TAB2: variants seen among roughly 807,000 people sequenced by gnomAD.
The protein encoded by TAB2 is TGF-beta activated kinase 1 (MAP3K7) binding protein 2, also known as TGF-beta-activated kinase 1 and MAP3K7-binding protein 2.
TAB2 carries 3 observed loss-of-function variants against 65.0 expected under a neutral mutation model. The observed-to-expected ratio is 0.05, with a 90% CI of 0.02 to 0.12. The LOEUF (loss-of-function observed/expected upper bound fraction) is 0.12. TAB2 is among the 10% of genes least tolerant of loss of function. TAB2 has a pLI of 1.00. For missense variants in TAB2, 623 were observed against 840.3 expected, an observed-to-expected ratio of 0.74 and a Z score of 3.20; for synonymous variants, 298 against 285.1, an observed-to-expected ratio of 1.05 and a Z score of -0.46.
At chr6:149,248,428 A>AAAGGAAGGAAGGAAGGAAGG (rs377016044) in intron 1 of TAB2, among the ~76,000 whole-genome samples, 1,495 of 117,304 alleles carry the variant, frequency 0.013, 35 homozygotes, top group African/African-American at 0.04. Context: ...AAAAAGAAAG[A>AAAGGAAGGAAGGAAGGAAGG]AAGGAAGGAA....
intron 1 of TAB2, among the ~76,000 whole-genome samples, chr6:149,275,283 A>AGAAAGAAG (rs1778446529): frequency 6.6e-6 from 1 of 151,312 alleles, no homozygotes; most frequent in African/African-American, 2.4e-5. Flanking sequence ...AAAGAAAGAA[A>AGAAAGAAG]GAAAGAAAGA....
chr6:149,287,754 C>T (rs1043620924), intron 1 of TAB2, among the ~76,000 whole-genome samples: 2 of 152,112 alleles, frequency 1.3e-5, no homozygotes, highest in African/African-American at 4.8e-5. Context: ...TATCACTATT[C>T]CCTGTGGAGA....
At chr6:149,343,032 G>T (rs535650640) in intron 1 of TAB2, among the ~76,000 whole-genome samples, 1 of 152,120 alleles carries the variant, frequency 6.6e-6, no homozygotes, top group Non-Finnish European at 1.5e-5. Flanking sequence ...TAACTTGTTT[G>T]CTAGTAGTAG....
At chr6:149,391,141 T>C (rs1781969484) in intron 3 of TAB2, among the ~76,000 whole-genome samples, 1 of 152,226 alleles carries the variant, frequency 6.6e-6, no homozygotes, top group Non-Finnish European at 1.5e-5. Flanking sequence ...TAGCTGGACA[T>C]AGAATTCTTG....
chr6:149,219,597 A>G (rs1280933626), intron 1 of TAB2, among the ~76,000 whole-genome samples: 1 of 152,202 alleles, frequency 6.6e-6, no homozygotes, highest in Non-Finnish European at 1.5e-5. Context: ...AAGTCAGAGA[A>G]GTCTGTGCTG....
At chr6:149,236,249 G>C (rs907493642) in intron 1 of TAB2, among the ~76,000 whole-genome samples, 1 of 152,098 alleles carries the variant, frequency 6.6e-6, no homozygotes, top group Non-Finnish European at 1.5e-5. Context: ...AAAATAAAAT[G>C]GTCCAGGAAT....
chr6:149,277,043 C>A (rs2114681830), intron 1 of TAB2, among the ~76,000 whole-genome samples: 1 of 152,292 alleles, frequency 6.6e-6, no homozygotes, highest in South Asian at 2.1e-4. Flanking sequence ...CTCATTCTCT[C>A]TTGATTGTCA....
intron 1 of TAB2, among the ~76,000 whole-genome samples, chr6:149,357,032 A>T (rs1780675279): frequency 6.6e-6 from 1 of 152,196 alleles, no homozygotes; most frequent in Admixed American, 6.5e-5. Context: ...TATGACATTT[A>T]TAACAGTCTA....
At chr6:149,375,335 A>G (rs187115259) in intron 2 of TAB2, among the ~76,000 whole-genome samples, 3 of 152,312 alleles carry the variant, frequency 2.0e-5, no homozygotes, top group African/African-American at 4.8e-5. Flanking sequence ...ATGTAACCTT[A>G]TAAAACCCCT....
chr6:149,237,970 C>T (rs1341634743), intron 1 of TAB2, among the ~76,000 whole-genome samples: 1 of 152,208 alleles, frequency 6.6e-6, no homozygotes, highest in Non-Finnish European at 1.5e-5. Flanking sequence ...AGTGTGTGCA[C>T]CCCACACTCA....
rs940547639 is a variant in TAB2, at chr6:149,317,992, A to G, written c.-113A>G. On this transcript the variant is annotated 5_prime_UTR_variant, in exon 1 of 7. Coordinates refer to ENST00000637181, the MANE Select transcript of TAB2 (RefSeq NM_001292034.3). This position sits in a 1 kb window ranked among gnomAD's most constrained non-coding sequence, Gnocchi z 4.7. Reference sequence around the variant, plus strand: ...GCGGCGGCGGCGGCCGAGGAGGAGGAGGGGGAAGCGGCGGCGGCAAAGGGT... The same window carrying G: ...GCGGCGGCGGCGGCCGAGGAGGAGGGGGGGGAAGCGGCGGCGGCAAAGGGT... 1.8e-5 allele frequency: 3 copies of G among 168,454 alleles called. No individual in the cohort carries two copies. Among genetic ancestry groups the G allele is most frequent in the Non-Finnish European group, 2.5e-5 (2 of 79,318 alleles). 10.4% of individuals were successfully genotyped at this position (168,454 alleles called of 1,614,324 possible).
At chr6:149,271,791 C>T (rs970191773) in intron 1 of TAB2, among the ~76,000 whole-genome samples, 1 of 152,114 alleles carries the variant, frequency 6.6e-6, no homozygotes, top group Non-Finnish European at 1.5e-5. Context: ...CTTACTCATA[C>T]TCACGGACAA....
chr6:149,319,892 C>T (rs1469160572), intron 1 of TAB2, among the ~76,000 whole-genome samples: 3 of 152,108 alleles, frequency 2.0e-5, no homozygotes, highest in Non-Finnish European at 4.4e-5. Context: ...TTTAGTGACT[C>T]ATTAAGAAGT....
At chr6:149,353,453 C>A (rs1780555564) in intron 1 of TAB2, among the ~76,000 whole-genome samples, 1 of 152,218 alleles carries the variant, frequency 6.6e-6, no homozygotes. Flanking sequence ...TTACCAGTTT[C>A]TTCCCCAAGT....
chr6:149,310,098 G>T (rs62426060), intron 1 of TAB2, among the ~76,000 whole-genome samples: 78,342 of 151,594 alleles, frequency 0.52, 20,809 homozygotes, highest in African/African-American at 0.65. Flanking sequence ...TTAGGAGGCG[G>T]GAGATGGGCC....
intron 1 of TAB2, among the ~76,000 whole-genome samples, chr6:149,326,693 G>GCCCACCA (rs955528839): frequency 2.6e-5 from 4 of 151,872 alleles, no homozygotes; most frequent in African/African-American, 9.7e-5. Context: ...GATTACAGGC[G>GCCCACCA]CCCACCACCC....
At chr6:149,362,262 G>A (rs1165246542) in intron 1 of TAB2, among the ~76,000 whole-genome samples, 1 of 152,144 alleles carries the variant, frequency 6.6e-6, no homozygotes, top group Non-Finnish European at 1.5e-5. Flanking sequence ...AGGTTTAATC[G>A]GCTCATGGTT....
At chr6:149,383,541 T>C (rs1222269818) in intron 3 of TAB2, among the ~76,000 whole-genome samples, 1 of 152,234 alleles carries the variant, frequency 6.6e-6, no homozygotes, top group Non-Finnish European at 1.5e-5. Context: ...TGTTTCTGTT[T>C]ACTATGGAAC....
chr6:149,360,696 CAA>C (rs1780816203), intron 1 of TAB2, among the ~76,000 whole-genome samples: 2 of 152,166 alleles, frequency 1.3e-5, no homozygotes, highest in African/African-American at 4.8e-5. Context: ...AATAGTCCTC[CAA>C]AAGTTTCAGC....
Sources: allele counts gnomAD v4.1 joint callset (sites outside exome capture counted in the v4.1 genomes callset), GRCh38; gene constraint gnomAD v4.1.1; non-coding constraint Gnocchi (gnomAD v3.1); transcripts MANE v1.5; gene names NCBI Gene and HGNC (gene_info 2026-07-23, HGNC 2026-07-21).